MED12L: variants seen among roughly 807,000 people sequenced by gnomAD.
MED12L encodes the protein mediator complex subunit 12L, also known as mediator of RNA polymerase II transcription subunit 12-like protein.
Under a neutral mutation model 281.3 loss-of-function variants are expected in MED12L, and 60 were observed. The ratio of observed to expected loss-of-function variants is 0.21; its 90% CI spans 0.17 to 0.26. The LOEUF is 0.26. MED12L is among the 10% of genes least tolerant of loss of function. MED12L has a pLI of 1.00. For missense variants in MED12L, 2,146 were observed against 2,680.9 expected (o/e 0.80, Z 4.41); for synonymous variants, 974 against 987.2 (o/e 0.99, Z 0.25).
chr3:151,251,179 C>T (rs543508947), intron 16 of MED12L, among the ~76,000 whole-genome samples: 1 of 152,308 alleles, frequency 6.6e-6, no homozygotes, highest in South Asian at 2.1e-4. Context: ...GCACTTGTGA[C>T]ATCTCTGCCA....
At chr3:151,333,586 T>C (rs1750591323) in intron 16 of MED12L, among the ~76,000 whole-genome samples, 1 of 152,224 alleles carries the variant, frequency 6.6e-6, no homozygotes, top group South Asian at 2.1e-4. Flanking sequence ...GATAATAGTT[T>C]TTCTCTATTA....
intron 16 of MED12L, among the ~76,000 whole-genome samples, chr3:151,253,214 C>T (rs753824371): frequency 3.9e-5 from 6 of 152,022 alleles, no homozygotes; most frequent in East Asian, 1.9e-4. Context: ...GAGCCTGTTC[C>T]GAGAAAAGCC....
rs549858911 is a variant in MED12L at position 151,093,183 on chromosome 3, G to A, written c.99+6158G>A. ...GCCAGGTTTGGTGGTGCACACCTGC[G>A]GTCCCAGCTACTAGGGAGGTCAAGG... On this transcript the variant is annotated intron_variant, in intron 2 of 44. Coordinates refer to ENST00000687756, the MANE Select transcript of MED12L (RefSeq NM_001393769.1). Among the ~76,000 whole-genome samples the A allele has an allele frequency of 6.6e-5, 10 of 152,216 alleles. No individual in the cohort carries two copies. In the South Asian group the frequency reaches 1.5e-3, roughly 22 times the overall value.
intron 7 of MED12L, 46 bp from the exon 8 acceptor site, chr3:151,159,786 A>G (rs983673062): frequency 5.2e-6 from 8 of 1,542,064 alleles, no homozygotes; most frequent in Admixed American, 2.0e-5. Context: ...TATTTAACCA[A>G]GACGCATAAG....
At chr3:151,271,337 G>GA (rs1195918286) in intron 16 of MED12L, among the ~76,000 whole-genome samples, 1 of 152,064 alleles carries the variant, frequency 6.6e-6, no homozygotes, top group South Asian at 2.1e-4. Flanking sequence ...CATTAGAATG[G>GA]AAAAAAACTT....
rs376743895 is a variant in MED12L at position 151,141,187 on chromosome 3, G to GTTTTTTTGTTT, written c.556+13210_556+13211insGTTTTTTTTTT. Among the ~76,000 whole-genome samples the GTTTTTTTGTTT allele has an allele frequency of 5.0e-5, 5 of 99,108 alleles. 1 individual carries two copies. The highest frequency in any genetic ancestry group is 9.5e-5 in the African/African-American group (2 of 20,974). 65.0% of individuals were successfully genotyped at this position (99,108 alleles called of 152,430 possible). A position where few individuals can be genotyped will look rare whatever the true frequency, so the allele number is the denominator to read the frequency against. ...TGGCGTTTTTTTTTTTGTTTTTTTT[G>GTTTTTTTGTTT]TTTTTTTTTTTTTGTTAGTAGAGAC... is the stretch of plus-strand genomic sequence containing the variant. On this transcript the variant is annotated intron_variant, in intron 5 of 44. Transcript: ENST00000687756.
chr3:151,338,021 A>T (rs371436740), intron 16 of MED12L: 1 of 1,614,048 alleles, frequency 6.2e-7, no homozygotes, highest in Admixed American at 1.7e-5. Context: ...CATAGAACAG[A>T]GTATTTTCAG....
chr3:151,221,556 G>T (rs755782555), intron 16 of MED12L, among the ~76,000 whole-genome samples: 1 of 152,194 alleles, frequency 6.6e-6, no homozygotes, highest in East Asian at 1.9e-4. Flanking sequence ...CCACTCTAGT[G>T]TGGCTGAAAG....
chr3:151,185,526 C>G, intron 12 of MED12L, 65 bp downstream of exon 12: 1 of 1,547,894 alleles, frequency 6.5e-7, no homozygotes, highest in Non-Finnish European at 8.8e-7. Flanking sequence ...TGGGGAAGAT[C>G]ATTTTCTCTT....
At chr3:151,138,935 T>A (rs1439684422) in intron 5 of MED12L, among the ~76,000 whole-genome samples, 1 of 152,010 alleles carries the variant, frequency 6.6e-6, no homozygotes, top group Non-Finnish European at 1.5e-5. Context: ...GAGGGCAGAG[T>A]ATCTACTTAT....
intron 38 of MED12L, among the ~76,000 whole-genome samples, chr3:151,394,181 G>T (rs1328864876): frequency 6.6e-6 from 1 of 152,132 alleles, no homozygotes; most frequent in African/African-American, 2.4e-5. Context: ...TCATGCCTCT[G>T]CTATAAAACA....
chr3:151,394,521 A>T, intron 38 of MED12L, 135 bp from the exon 39 acceptor site: 2 of 1,326,578 alleles, frequency 1.5e-6, no homozygotes, highest in Non-Finnish European at 2.1e-6. Context: ...TATTTGTGGC[A>T]GGTGGGACAG....
intron 16 of MED12L, chr3:151,211,977 A>G (rs909853635): frequency 3.9e-4 from 59 of 152,220 alleles, no homozygotes; most frequent in African/African-American, 1.2e-3. Flanking sequence ...TCACTGGCAG[A>G]TAGAATTTTT....
intron 5 of MED12L, among the ~76,000 whole-genome samples, chr3:151,141,166 GTTTTTTTTTTTGTTTTTTTTGTT>G (rs1716888005): frequency 1.0e-5 from 1 of 98,122 alleles, no homozygotes; most frequent in Non-Finnish European, 1.9e-5. Flanking sequence ...CGTGCCTGGC[GTTTTTTTTTTTGTTTTTTTTGTT>G]TTTTTTTTTT....
At chr3:151,145,050 A>G (rs896315560) in intron 5 of MED12L, among the ~76,000 whole-genome samples, 2 of 152,076 alleles carry the variant, frequency 1.3e-5, no homozygotes, top group Non-Finnish European at 2.9e-5. Context: ...AGCATGTTGC[A>G]TCTCATTTAA....
intron 38 of MED12L, among the ~76,000 whole-genome samples, chr3:151,391,897 A>G (rs1714279660): frequency 1.3e-5 from 2 of 152,238 alleles, no homozygotes; most frequent in Admixed American, 1.3e-4. Context: ...ACTACAAACT[A>G]GACTCAGAGT....
In MED12L at chr3:151,365,043, C is replaced by A. The variant is rs1272399785; in HGVS notation, c.3022C>A (p.Arg1008=). 4.3e-6 allele frequency: 7 copies of A among 1,614,050 alleles called. No homozygotes were observed. The highest frequency in any genetic ancestry group is 5.1e-6 in the Non-Finnish European group (6 of 1,179,938). Reference sequence around the variant, plus strand: ...CGTGATGCCTGCAAATTCGAACTTGCGATGGGATCCAGACTTCATGATGGA... The same window carrying A: ...CGTGATGCCTGCAAATTCGAACTTGAGATGGGATCCAGACTTCATGATGGA... ...NNVMPANSNL[R]WDPDFMMDFI... Residue 1008 remains arginine, a synonymous_variant, in exon 22 of 45, where the codon CGA becomes AGA. Coordinates refer to ENST00000687756, the MANE Select transcript of MED12L (RefSeq NM_001393769.1).
chr3:151,435,703 A>C lies in MED12L; in HGVS notation c.*2899A>C, dbSNP rs181767279. 24 of 151,014 alleles carry C rather than the reference A, an allele frequency of 1.6e-4. No homozygotes were observed. Among genetic ancestry groups the C allele is most frequent in the Admixed American group, 1.3e-3 (20 of 15,268 alleles). The allele number at this position is 151,014 out of a possible 1,614,324, so 9.4% of individuals were successfully genotyped here. ...AACCCCACCCCTAGATTTAGATAAG[A>C]TCAATCATTTAATATTCCCCAAATT... On this transcript the variant is annotated 3_prime_UTR_variant, in exon 45 of 45. Coordinates refer to ENST00000687756, the MANE Select transcript of MED12L (RefSeq NM_001393769.1).
intron 42 of MED12L, among the ~76,000 whole-genome samples, chr3:151,414,909 TA>T (rs1402551531): frequency 2.0e-5 from 3 of 152,212 alleles, no homozygotes; most frequent in Non-Finnish European, 4.4e-5. Context: ...AATATTCAAG[TA>T]AACCACTCAT....
Sources: gnomAD v4.1 joint callset for allele counts (sites outside exome capture counted in the v4.1 genomes callset) on GRCh38, gnomAD v4.1.1 for gene constraint, MANE v1.5 for transcripts, NCBI Gene and HGNC (gene_info 2026-07-23, HGNC 2026-07-21) for gene names.